Variants in ATP6V1C2 observed in about 807,000 individuals in gnomAD.
The protein encoded by ATP6V1C2 is ATPase H+ transporting V1 subunit C2, also known as V-type proton ATPase subunit C 2.
A neutral mutation model predicts 56.8 loss-of-function variants in ATP6V1C2; 45 were observed. The ratio of observed to expected loss-of-function variants is 0.79; its 90% CI spans 0.62 to 1.02. The LOEUF (loss-of-function observed/expected upper bound fraction) is 1.02. Among genes scored for constraint, ATP6V1C2 ranks in the 50% least tolerant of loss-of-function variants. ATP6V1C2 has a pLI of 0.00. For synonymous variants in ATP6V1C2, 220 were observed against 201.3 expected (o/e 1.09, Z -0.79); for missense variants, 463 against 519.7 (o/e 0.89, Z 1.06).
chr2:10,732,232 CCTCTCT>C (rs927599283), intron 3 of ATP6V1C2, among the ~76,000 whole-genome samples: 7 of 150,978 alleles, frequency 4.6e-5, no homozygotes, highest in Admixed American at 6.6e-5. Context: ...CCTCCCTCTC[CCTCTCT>C]CTCTCTCTTT....
chr2:10,747,045 G>A (rs1419606563), intron 3 of ATP6V1C2, among the ~76,000 whole-genome samples: 2 of 152,218 alleles, frequency 1.3e-5, no homozygotes, highest in Non-Finnish European at 1.5e-5. Flanking sequence ...AGGGCAGGTG[G>A]ATCACTTGAG....
chr2:10,774,122 A>G (rs1259759450), intron 8 of ATP6V1C2, among the ~76,000 whole-genome samples: 1 of 152,248 alleles, frequency 6.6e-6, no homozygotes, highest in Non-Finnish European at 1.5e-5. Context: ...GAAAGCCTGC[A>G]CAGATGACTC....
At position 10,772,602 on chromosome 2, in the gene ATP6V1C2, A is replaced by T; in HGVS notation, c.630A>T (p.Arg210=). ...YESLSDMVVP[R]STKLITEDKE... is the part of the protein sequence containing the mutation. ...CTCTCTCAGACATGGTGGTCCCTCG[A>T]TCAACCAAGTAAGTGAGACCCCAGC... The change falls in exon 8 of 14, where the codon CGA becomes CGT. Residue 210 remains arginine, a synonymous_variant. Coordinates refer to ENST00000272238, the MANE Select transcript of ATP6V1C2 (RefSeq NM_001039362.2). The T allele has an allele frequency of 6.2e-7, 1 of 1,613,916 alleles. No homozygotes were observed.
chr2:10,728,981 A>AG (rs35761909), intron 3 of ATP6V1C2, among the ~76,000 whole-genome samples: 1 of 145,854 alleles, frequency 6.9e-6, no homozygotes, highest in African/African-American at 2.6e-5. Flanking sequence ...AAAAAAAAAA[A>AG]TAGTTGGGTG....
chr2:10,732,137 C>A (rs1661982196), intron 3 of ATP6V1C2, among the ~76,000 whole-genome samples: 1 of 152,086 alleles, frequency 6.6e-6, no homozygotes, highest in Non-Finnish European at 1.5e-5. Flanking sequence ...TTCTGTGATC[C>A]TGGATTGTTA....
At chr2:10,720,951 T>C (rs1212954549), upstream of ATP6V1C2, 1 of 152,234 alleles carries the variant, frequency 6.6e-6, no homozygotes, top group African/African-American at 2.4e-5. Flanking sequence ...TTCCCCCTCC[T>C]GGTTCCAGAC....
In ATP6V1C2 at chr2:10,763,033, G is replaced by T. The variant is rs1166452705; in HGVS notation, c.284-1298G>T. On this transcript the variant is annotated intron_variant, in intron 4 of 13. Transcript: ENST00000272238. The surrounding 1 kb of genome is among the most constrained non-coding windows in gnomAD (Gnocchi z 4.2). Reference sequence around the variant, plus strand: ...GACCCCACTGGGCGCTGCTGTTGGGGTTGGAGGAATCTCAGTCCAATTCCC... The same window carrying T: ...GACCCCACTGGGCGCTGCTGTTGGGTTTGGAGGAATCTCAGTCCAATTCCC... Among the ~76,000 whole-genome samples, 3 of 152,168 alleles carry T rather than the reference G, an allele frequency of 2.0e-5. No homozygotes were observed. The highest frequency in any genetic ancestry group is 4.4e-5 in the Non-Finnish European group (3 of 68,030).
At chr2:10,723,043 A>G in intron 2 of ATP6V1C2, 65 bp downstream of exon 2, 1 of 1,587,292 alleles carries the variant, frequency 6.3e-7, no homozygotes, top group Non-Finnish European at 8.6e-7. Flanking sequence ...AGAGGGAGAC[A>G]GGTTGCTACC....
At chr2:10,782,447 T>A (rs756880159) in intron 13 of ATP6V1C2, 72 bp downstream of exon 13, 99 of 1,547,248 alleles carry the variant, frequency 6.4e-5, no homozygotes, top group Non-Finnish European at 8.1e-5. Context: ...GGTATCTGCC[T>A]GTAATCCCAA....
intron 3 of ATP6V1C2, among the ~76,000 whole-genome samples, chr2:10,730,992 G>A (rs562301079): frequency 7.6e-5 from 11 of 144,716 alleles, no homozygotes; most frequent in South Asian, 6.6e-4. Context: ...TTGCTCTGTC[G>A]CCAGCCTGGA....
At position 10,784,943 on chromosome 2, in the gene ATP6V1C2, C is replaced by A; in HGVS notation, c.*1680C>A. ...CCTCCCGGGCACTCACCTCGCCATCCCTGCCGTCCCAAGGCTCTCTCTCAA... is the reference window on the plus strand; with the variant it reads ...CCTCCCGGGCACTCACCTCGCCATCACTGCCGTCCCAAGGCTCTCTCTCAA... On this transcript the variant is annotated 3_prime_UTR_variant, in exon 14 of 14. Coordinates refer to ENST00000272238, the MANE Select transcript of ATP6V1C2 (RefSeq NM_001039362.2). 2 of 1,583,662 alleles carry A rather than the reference C, an allele frequency of 1.3e-6. No individual in the cohort carries two copies. Among genetic ancestry groups the A allele is most frequent in the Non-Finnish European group, 1.7e-6 (2 of 1,163,192 alleles).
At chr2:10,745,601 A>G (rs1662865742) in intron 3 of ATP6V1C2, among the ~76,000 whole-genome samples, 4 of 152,040 alleles carry the variant, frequency 2.6e-5, no homozygotes. Flanking sequence ...TCTGCCTCCT[A>G]AAGTGCTGGG....
chr2:10,756,773 C>T (rs563890095), intron 4 of ATP6V1C2, among the ~76,000 whole-genome samples: 2 of 152,174 alleles, frequency 1.3e-5, no homozygotes, highest in African/African-American at 2.4e-5. Context: ...CCATGTGCTA[C>T]AGTTGCGATA....
Position 10,754,085 on chromosome 2 carries a change from T to C in ATP6V1C2, c.283+19T>C. On this transcript the variant is annotated intron_variant, in intron 4 of 13. Coordinates refer to ENST00000272238, the MANE Select transcript of ATP6V1C2 (RefSeq NM_001039362.2). ...AACGGAGGTAGGTAGGGCGGCCCTC[T>C]GATGTGGAGCACAATCTCCCCGCTC... The C allele has an allele frequency of 6.3e-7, 1 of 1,580,382 alleles. No homozygotes were observed. The highest frequency in any genetic ancestry group is 1.8e-4 in the Middle Eastern group (1 of 5,584).
At chr2:10,744,444 A>G (rs1662750229) in intron 3 of ATP6V1C2, among the ~76,000 whole-genome samples, 3 of 152,126 alleles carry the variant, frequency 2.0e-5, no homozygotes, top group Admixed American at 2.0e-4. Flanking sequence ...TTTCTTCCTC[A>G]CGCTTATGAG....
Position 10,783,316 on chromosome 2 carries a change from T to C in ATP6V1C2, c.*53T>C. ...GTTCGTGCAGATTATTACAGACACCTCTTTCCTTTAGCCAGAGAATGGTTC... is the reference window on the plus strand; with the variant it reads ...GTTCGTGCAGATTATTACAGACACCCCTTTCCTTTAGCCAGAGAATGGTTC... On this transcript the variant is annotated 3_prime_UTR_variant, in exon 14 of 14. Transcript: ENST00000272238. 8 of 1,232,388 alleles carry C rather than the reference T, an allele frequency of 6.5e-6. No individual in the cohort carries two copies. The highest frequency in any genetic ancestry group is 9.6e-6 in the Non-Finnish European group (8 of 837,448). The allele number at this position is 1,232,388 out of a possible 1,614,324, so 76.3% of individuals were successfully genotyped here.
chr2:10,721,504 G>C (rs924182135), upstream of ATP6V1C2: 13 of 152,394 alleles, frequency 8.5e-5, no homozygotes, highest in African/African-American at 3.1e-4. Context: ...GCCTGCACCT[G>C]CTCCCCGGCT....
At chr2:10,731,891 T>A (rs768092141) in intron 3 of ATP6V1C2, among the ~76,000 whole-genome samples, 10 of 151,994 alleles carry the variant, frequency 6.6e-5, no homozygotes, top group Non-Finnish European at 1.3e-4. Flanking sequence ...GAGAATTGCT[T>A]GAGCCCAGGA....
chr2:10,778,645 G>C lies in ATP6V1C2; in HGVS notation c.1037G>C (p.Arg346Thr). 4 of 1,614,192 alleles carry C rather than the reference G, an allele frequency of 2.5e-6. No homozygotes were observed. Among genetic ancestry groups the C allele is most frequent in the Non-Finnish European group, 3.4e-6 (4 of 1,180,014 alleles). The change falls in exon 12 of 14, where the codon AGA becomes ACA. Residue 346 changes from arginine to threonine, a missense_variant. Physicochemically the swap from Arg to Thr is moderately conservative, Grantham distance 71. Coordinates refer to ENST00000272238, the MANE Select transcript of ATP6V1C2 (RefSeq NM_001039362.2). ...FIAWIHIKAL[R>T]VFVESVLRYG... Reference sequence around the variant, plus strand: ...GCCTGGATCCACATCAAGGCCCTGAGAGTGTTTGTGGAGTCCGTGCTCAGG... The same window carrying C: ...GCCTGGATCCACATCAAGGCCCTGACAGTGTTTGTGGAGTCCGTGCTCAGG...
Sources: allele counts gnomAD v4.1 joint callset (sites outside exome capture counted in the v4.1 genomes callset), GRCh38; gene constraint gnomAD v4.1.1; non-coding constraint Gnocchi (gnomAD v3.1); transcripts MANE v1.5; gene names NCBI Gene and HGNC (gene_info 2026-07-23, HGNC 2026-07-21).